ANKRD45: variants seen among roughly 807,000 people sequenced by gnomAD.
ANKRD45 encodes ankyrin repeat domain-containing protein 45.
ANKRD45 carries 21 observed loss-of-function variants against 28.1 expected under a neutral mutation model. That is an observed-to-expected ratio of 0.75 (90% CI 0.53 to 1.08). The LOEUF (loss-of-function observed/expected upper bound fraction) is 1.08, where lower values mean the gene tolerates loss of function less well. Ranked by LOEUF, ANKRD45 falls within the 50% of genes least tolerant of loss-of-function variation. The pLI, the probability that ANKRD45 is intolerant of heterozygous loss-of-function variation, is 0.00. For missense variants in ANKRD45, 261 were observed against 308.7 expected, an observed-to-expected ratio of 0.85 and a Z score of 1.16; for synonymous variants, 86 against 103.9, an observed-to-expected ratio of 0.83 and a Z score of 1.05.
chr1:173,696,056 C>A, the ANKRD45 span, among the ~76,000 whole-genome samples: 311 of 152,238 alleles, frequency 2.0e-3, 1 homozygote, highest in Non-Finnish European at 1.7e-3. Context: ...ATCTCTGTGA[C>A]CCACACCCTA....
intron 4 of ANKRD45, among the ~76,000 whole-genome samples, chr1:173,625,717 T>C (rs1011567754): frequency 2.0e-5 from 3 of 150,072 alleles, no homozygotes; most frequent in Admixed American, 6.6e-5. Context: ...AAGAATAATA[T>C]ATATAAGTGT....
intron 2 of ANKRD45, among the ~76,000 whole-genome samples, chr1:173,656,857 T>C (rs538311051): frequency 6.6e-6 from 1 of 151,892 alleles, no homozygotes; most frequent in Admixed American, 6.5e-5. Context: ...TAGACAGCCT[T>C]AAGGAAAGTT....
intron 3 of ANKRD45, among the ~76,000 whole-genome samples, chr1:173,627,580 C>T (rs192915300): frequency 5.1e-4 from 78 of 152,212 alleles, no homozygotes; most frequent in African/African-American, 1.9e-3. Flanking sequence ...GCATTTAGAC[C>T]AGCCCTAGCC....
At chr1:173,698,894 T>C in the ANKRD45 span, among the ~76,000 whole-genome samples, 1 of 151,134 alleles carries the variant, frequency 6.6e-6, no homozygotes, top group South Asian at 2.1e-4. Context: ...TGTTTTTTTT[T>C]TAAAGATCAA....
At chr1:173,638,228 G>A (rs1668541606) in intron 3 of ANKRD45, among the ~76,000 whole-genome samples, 1 of 152,072 alleles carries the variant, frequency 6.6e-6, no homozygotes, top group Non-Finnish European at 1.5e-5. Flanking sequence ...AAGAGAATCG[G>A]CGAGACATCT....
the ANKRD45 span, among the ~76,000 whole-genome samples, chr1:173,706,327 CTTG>C: frequency 6.6e-6 from 1 of 150,516 alleles, no homozygotes; most frequent in Admixed American, 6.6e-5. Context: ...AAAGATCCTC[CTTG>C]TTTTGTTTTG....
chr1:173,665,167 AAACAAC>A (rs552896036), intron 1 of ANKRD45, among the ~76,000 whole-genome samples: 1 of 152,034 alleles, frequency 6.6e-6, no homozygotes, highest in Non-Finnish European at 1.5e-5. Context: ...TTAAAAAAAT[AAACAAC>A]AACAACAACA....
At chr1:173,684,873 T>C in the ANKRD45 span, among the ~76,000 whole-genome samples, 3 of 152,238 alleles carry the variant, frequency 2.0e-5, no homozygotes, top group Non-Finnish European at 4.4e-5. Flanking sequence ...TGGTTGTAGA[T>C]GTAGTTTATC....
At chr1:173,674,029 T>C (rs1027988990), upstream of ANKRD45, among the ~76,000 whole-genome samples, 6 of 151,988 alleles carry the variant, frequency 3.9e-5, no homozygotes, top group Non-Finnish European at 7.4e-5. Context: ...TTTTTCTAGA[T>C]ATAGCATCTT....
At chr1:173,694,333 T>G in the ANKRD45 span, among the ~76,000 whole-genome samples, 3 of 151,868 alleles carry the variant, frequency 2.0e-5, no homozygotes, top group Admixed American at 6.6e-5. Flanking sequence ...CCAAGCTAAC[T>G]TTTGTAGTTT....
intron 2 of ANKRD45, among the ~76,000 whole-genome samples, chr1:173,655,867 G>A (rs1669481824): frequency 6.6e-6 from 1 of 152,228 alleles, no homozygotes; most frequent in African/African-American, 2.4e-5. Flanking sequence ...AGACTGATGT[G>A]CTAGCAGTGA....
At chr1:173,678,486 A>G in the ANKRD45 span, among the ~76,000 whole-genome samples, 2 of 152,216 alleles carry the variant, frequency 1.3e-5, no homozygotes, top group Admixed American at 6.5e-5. Context: ...CAATAGAGAT[A>G]AAAATGGCAT....
At chr1:173,691,103 G>A in the ANKRD45 span, among the ~76,000 whole-genome samples, 1 of 152,174 alleles carries the variant, frequency 6.6e-6, no homozygotes, top group African/African-American at 2.4e-5. Flanking sequence ...ACCCCCCACG[G>A]CTTTCTTACC....
the ANKRD45 span, among the ~76,000 whole-genome samples, chr1:173,700,226 T>A: frequency 6.6e-6 from 1 of 152,136 alleles, no homozygotes; most frequent in African/African-American, 2.4e-5. Flanking sequence ...GAATCAATAT[T>A]GTGAAAATGG....
rs1553263073 is a variant in ANKRD45, at chr1:173,608,908, A to AAGAGAGGGGAGGGGAGGGGAAGGGAGG, written c.*1236_*1237insCCTCCCTTCCCCTCCCCTCCCCTCTCT. ...GGGAGGGGAGGGGAGAGGAAGGGAG[A>AAGAGAGGGGAGGGGAGGGGAAGGGAGG]GGAAGGGAGGGGAAGGGAGGGGAAG... On this transcript the variant is annotated 3_prime_UTR_variant, in exon 6 of 6. Coordinates refer to ENST00000333279, the MANE Select transcript of ANKRD45 (RefSeq NM_198493.3). 2.2e-5 allele frequency among the ~76,000 whole-genome samples: 1 copy of AAGAGAGGGGAGGGGAGGGGAAGGGAGG among 44,902 alleles called. No individual in the cohort carries two copies. The highest frequency in any genetic ancestry group is 1.4e-4 in the African/African-American group (1 of 7,148). The allele number at this position is 44,902 out of a possible 152,430, so 29.5% of individuals were successfully genotyped here. A position where few individuals can be genotyped will look rare whatever the true frequency, so the allele number is the denominator to read the frequency against.
At chr1:173,670,479 A>T (rs1407896848), upstream of ANKRD45, among the ~76,000 whole-genome samples, 1 of 152,230 alleles carries the variant, frequency 6.6e-6, no homozygotes, top group African/African-American at 2.4e-5. Context: ...GGCAGGTGTG[A>T]AGGAAAATAT....
chr1:173,636,261 G>A (rs1348654633), intron 3 of ANKRD45, among the ~76,000 whole-genome samples: 1 of 152,078 alleles, frequency 6.6e-6, no homozygotes, highest in African/African-American at 2.4e-5. Context: ...TACAAAAGGT[G>A]TCATGTAATT....
intron 2 of ANKRD45, among the ~76,000 whole-genome samples, chr1:173,651,916 G>A (rs1268585165): frequency 6.6e-6 from 1 of 152,156 alleles, no homozygotes; most frequent in Non-Finnish European, 1.5e-5. Flanking sequence ...TGGCGTATAG[G>A]AATGCTTGTG....
intron 5 of ANKRD45, among the ~76,000 whole-genome samples, chr1:173,622,411 A>G (rs1667743919): frequency 6.6e-6 from 1 of 152,206 alleles, no homozygotes; most frequent in African/African-American, 2.4e-5. Context: ...GAACTATACC[A>G]CAAGGCTACA....
Sources: allele counts gnomAD v4.1 joint callset (sites outside exome capture counted in the v4.1 genomes callset), GRCh38; gene constraint gnomAD v4.1.1; transcripts MANE v1.5; gene names NCBI Gene and HGNC (gene_info 2026-07-23, HGNC 2026-07-21).